Variants in FCHSD2 observed in about 807,000 individuals in gnomAD.
The protein encoded by FCHSD2 is FCH and double SH3 domains 2, also known as F-BAR and double SH3 domains protein 2.
FCHSD2 carries 38 observed loss-of-function variants against 108.1 expected under a neutral mutation model. The observed-to-expected ratio is 0.35, with a 90% CI of 0.27 to 0.46. The LOEUF (loss-of-function observed/expected upper bound fraction) is 0.46. Ranked by LOEUF, FCHSD2 falls within the 20% of genes least tolerant of loss-of-function variation. FCHSD2 has a pLI of 1.00. For missense variants in FCHSD2, 751 were observed against 897.8 expected, an observed-to-expected ratio of 0.84 and a Z score of 2.09; for synonymous variants, 279 against 314.7, an observed-to-expected ratio of 0.89 and a Z score of 1.20.
At position 72,838,271 on chromosome 11, in the gene FCHSD2, G is replaced by C. The variant is rs370575074; in HGVS notation, c.*520C>G. On this transcript the variant is annotated 3_prime_UTR_variant, in exon 20 of 20. Transcript: ENST00000409418. ...TTCCCAATAAGGTTTCACTTTCTCA[G>C]TCTGGGGACTAACCTTGGGGAGGAG... 1 of 153,866 alleles carries C rather than the reference G, an allele frequency of 6.5e-6. No individual in the cohort carries two copies. The highest frequency in any genetic ancestry group is 2.4e-5 in the African/African-American group (1 of 41,470). 9.5% of individuals were successfully genotyped at this position (153,866 alleles called of 1,614,324 possible).
In FCHSD2 at chr11:73,082,358, A is replaced by AAAAAG. The variant is rs1565401629; in HGVS notation, c.165+1332_165+1336dup. Among the ~76,000 whole-genome samples, 9 of 149,380 alleles carry AAAAAG rather than the reference A, an allele frequency of 6.0e-5. 1 individual carries two copies. The highest frequency in any genetic ancestry group is 1.3e-4 in the Admixed American group (2 of 14,988). ...CCCAAAAAAAAAAAAAAAAAAAAAA[A>AAAAAG]AAAAGAAAAGAAAAAGCATTCAACA... is the stretch of plus-strand genomic sequence containing the variant. On this transcript the variant is annotated intron_variant, in intron 3 of 19. Transcript: ENST00000409418.
intron 12 of FCHSD2, among the ~76,000 whole-genome samples, chr11:72,876,072 C>T (rs1854963518): frequency 6.6e-6 from 1 of 152,208 alleles, no homozygotes; most frequent in Non-Finnish European, 1.5e-5. Context: ...GTGATCCCCA[C>T]ATTTTGGAAG....
intron 19 of FCHSD2, among the ~76,000 whole-genome samples, chr11:72,839,475 T>C (rs545537336): frequency 6.6e-6 from 1 of 152,288 alleles, no homozygotes; most frequent in East Asian, 1.9e-4. Flanking sequence ...TTTGTAATCC[T>C]CTGAATGAGA....
At chr11:72,869,756 A>G (rs1854811217) in intron 12 of FCHSD2, 1 of 152,148 alleles carries the variant, frequency 6.6e-6, no homozygotes, top group African/African-American at 2.4e-5. Context: ...CCTGTTCATA[A>G]TGCTATGCCT....
chr11:73,066,495 G>A (rs1859295699), intron 3 of FCHSD2, among the ~76,000 whole-genome samples: 1 of 151,934 alleles, frequency 6.6e-6, no homozygotes, highest in Non-Finnish European at 1.5e-5. Context: ...AAAACTAATG[G>A]GATCTAATTA....
rs56847486 is a variant in FCHSD2 at position 72,968,333 on chromosome 11, TTC to T, written c.705+15753_705+15754del. ...TTTAATTTGAAACTATAATTTATCA[TTC>T]TGTTTCCTAGAAAATACCTTCAGGT... On this transcript the variant is annotated intron_variant, in intron 8 of 19. Transcript: ENST00000409418. Among the ~76,000 whole-genome samples, 239 of 152,352 alleles carry T rather than the reference TTC, an allele frequency of 1.6e-3. 1 individual carries two copies. Among genetic ancestry groups the T allele is most frequent in the African/African-American group, 5.5e-3 (228 of 41,592 alleles).
At chr11:73,032,565 T>C (rs904585757) in intron 3 of FCHSD2, among the ~76,000 whole-genome samples, 4 of 151,296 alleles carry the variant, frequency 2.6e-5, no homozygotes, top group African/African-American at 9.8e-5. Flanking sequence ...TTAAAGCAAA[T>C]GTTTATTACC....
intron 13 of FCHSD2, among the ~76,000 whole-genome samples, chr11:72,859,397 T>C (rs556211938): frequency 2.4e-4 from 37 of 152,340 alleles, no homozygotes; most frequent in Non-Finnish European, 4.7e-4. Flanking sequence ...ATCACGGTGC[T>C]TGTGTTCAAG....
chr11:73,110,868 T>C (rs572501328), intron 2 of FCHSD2, among the ~76,000 whole-genome samples: 1 of 152,294 alleles, frequency 6.6e-6, no homozygotes, highest in East Asian at 1.9e-4. Flanking sequence ...GTATGTCATG[T>C]TTCCATTATC....
Position 72,945,271 on chromosome 11 carries a change from C to T in FCHSD2, c.706-23321G>A, listed in dbSNP as rs1250347980. 4.6e-5 allele frequency among the ~76,000 whole-genome samples: 7 copies of T among 152,228 alleles called. No homozygotes were observed. The East Asian group carries it at 9.6e-4, about 21-fold the overall frequency. On this transcript the variant is annotated intron_variant, in intron 8 of 19. Transcript: ENST00000409418. ...ATATCTACAACTATCTGATCTTTGA[C>T]AAACCTGACAAAAACAAGAAATGGG...
intron 2 of FCHSD2, among the ~76,000 whole-genome samples, chr11:73,087,061 C>G (rs759942490): frequency 1.3e-5 from 2 of 152,148 alleles, no homozygotes; most frequent in Admixed American, 1.3e-4. Flanking sequence ...GGCATTGTAT[C>G]ATAGGAGATG....
chr11:73,105,555 T>G (rs1442133541), intron 2 of FCHSD2, among the ~76,000 whole-genome samples: 1 of 152,226 alleles, frequency 6.6e-6, no homozygotes. Context: ...GTATCTTTAC[T>G]ACTCTAAGCC....
chr11:72,950,851 C>T (rs760280780), intron 8 of FCHSD2, among the ~76,000 whole-genome samples: 1 of 152,192 alleles, frequency 6.6e-6, no homozygotes, highest in Non-Finnish European at 1.5e-5. Context: ...TTCCTGGGCA[C>T]ATGCTGTGGG....
chr11:73,130,965 TACA>T (rs1369378550), intron 2 of FCHSD2, among the ~76,000 whole-genome samples: 1 of 152,216 alleles, frequency 6.6e-6, no homozygotes, highest in African/African-American at 2.4e-5. Context: ...TCTCAAGATT[TACA>T]ACATTTTAAG....
intron 4 of FCHSD2, among the ~76,000 whole-genome samples, 192 bp downstream of exon 4, chr11:73,015,617 T>C (rs574337361): frequency 2.9e-4 from 44 of 152,314 alleles, no homozygotes; most frequent in African/African-American, 1.1e-3. Context: ...CTATTTTATA[T>C]AGATTACAAT....
chr11:72,881,275 C>T (rs1591366344), intron 12 of FCHSD2, among the ~76,000 whole-genome samples: 1 of 152,162 alleles, frequency 6.6e-6, no homozygotes, highest in East Asian at 1.9e-4. Context: ...TGAAAAAATA[C>T]TCAACATCAC....
intron 8 of FCHSD2, among the ~76,000 whole-genome samples, chr11:72,965,538 AT>A (rs1004751644): frequency 6.6e-6 from 1 of 152,116 alleles, no homozygotes; most frequent in African/African-American, 2.4e-5. Context: ...CCATTATAGT[AT>A]TTTTTTAAAA....
intron 8 of FCHSD2, among the ~76,000 whole-genome samples, chr11:72,946,485 T>C (rs1229071374): frequency 6.6e-6 from 1 of 152,074 alleles, no homozygotes; most frequent in Non-Finnish European, 1.5e-5. Context: ...ACATGGCACA[T>C]GTATACATAT....
intron 16 of FCHSD2, 68 bp from the exon 17 acceptor site, chr11:72,842,909 A>G: frequency 8.4e-7 from 1 of 1,190,328 alleles, no homozygotes; most frequent in Admixed American, 2.0e-5. Context: ...AACCACCCCT[A>G]TGCTCACATG....
Sources: allele counts gnomAD v4.1 joint callset (sites outside exome capture counted in the v4.1 genomes callset), GRCh38; gene constraint gnomAD v4.1.1; transcripts MANE v1.5; gene names NCBI Gene and HGNC (gene_info 2026-07-23, HGNC 2026-07-21).